Variants in ACTL8 observed in about 807,000 individuals in gnomAD.
ACTL8 encodes the protein actin-like protein 8.
A neutral mutation model predicts 9.3 loss-of-function variants in ACTL8; 3 were observed. That is an observed-to-expected ratio of 0.32 (90% confidence interval 0.15 to 0.83). The LOEUF is 0.83. Ranked by LOEUF, ACTL8 falls within the 40% of genes least tolerant of loss-of-function variation. The pLI, the probability that ACTL8 is intolerant of heterozygous loss-of-function variation, is 0.57. For synonymous variants in ACTL8, 224 were observed against 205.9 expected, an observed-to-expected ratio of 1.09 and a Z score of -0.75; for missense variants, 381 against 492.2, an observed-to-expected ratio of 0.77 and a Z score of 2.14.
In ACTL8 at chr1:17,826,025, A is replaced by G. The variant is rs778609112; in HGVS notation, c.607A>G (p.Thr203Ala). Residue 203 changes from threonine (T) to alanine (A), a missense_variant, in exon 3 of 3, where the codon ACA becomes GCA. Around this residue, in one of 3 missense-constraint regions of ACTL8, gnomAD observed 243 missense variants for 276.2 expected, o/e 0.88. Coordinates refer to ENST00000375406, the MANE Select transcript of ACTL8 (RefSeq NM_030812.3). This position sits in a 1 kb window ranked among gnomAD's most constrained non-coding sequence, Gnocchi z 4.5. ...TAGACGCTGCCTGTTTCAGCTGGAG[A>G]CAGTCGCCGTGACTCAGATGAACAA... ...CDRRCLFQLE[T>A]VAVTQMNKCY... 8.1e-6 allele frequency: 13 copies of G among 1,606,740 alleles called. No individual in the cohort carries two copies. Among genetic ancestry groups the G allele is most frequent in the Non-Finnish European group, 1.1e-5 (13 of 1,179,982 alleles).
intron 1 of ACTL8, among the ~76,000 whole-genome samples, chr1:17,805,213 G>T (rs2066350518): frequency 6.6e-6 from 1 of 151,964 alleles, no homozygotes; most frequent in South Asian, 2.1e-4. Context: ...ATGTCTGTGT[G>T]CTTCCTGCCC....
chr1:17,786,653 C>G (rs1008117286), intron 1 of ACTL8, among the ~76,000 whole-genome samples: 3 of 152,042 alleles, frequency 2.0e-5, no homozygotes, highest in African/African-American at 7.2e-5. Flanking sequence ...ATACATGGAC[C>G]TTCTTTACGT....
chr1:17,781,789 C>T (rs1400398765), intron 1 of ACTL8, among the ~76,000 whole-genome samples: 1 of 152,114 alleles, frequency 6.6e-6, no homozygotes, highest in South Asian at 2.1e-4. Flanking sequence ...GCATACATTT[C>T]CCCTGGAAAG....
At chr1:17,766,564 G>A (rs1440939557) in intron 1 of ACTL8, among the ~76,000 whole-genome samples, 1 of 152,182 alleles carries the variant, frequency 6.6e-6, no homozygotes, top group Admixed American at 6.5e-5. Context: ...CTGACAGCCT[G>A]TCAGGCACCG....
In ACTL8 at chr1:17,767,223, A is replaced by C. The variant is rs1173357195; in HGVS notation, c.-25+11719A>C. ...GACTGTGGAGGCCTGCTCTGGAAAC[A>C]GTGAGGAGGGCATCAGGAGGTGAGG... On this transcript the variant is annotated intron_variant, in intron 1 of 2. Transcript: ENST00000375406. The surrounding 1 kb of genome is among the most constrained non-coding windows in gnomAD (Gnocchi z 4.7). Among the ~76,000 whole-genome samples, 1 of 152,102 alleles carries C rather than the reference A, an allele frequency of 6.6e-6. No individual in the cohort carries two copies. The highest frequency in any genetic ancestry group is 1.5e-5 in the Non-Finnish European group (1 of 68,026).
At chr1:17,756,951 T>C (rs957944657) in intron 1 of ACTL8, among the ~76,000 whole-genome samples, 6 of 152,138 alleles carry the variant, frequency 3.9e-5, no homozygotes, top group African/African-American at 1.4e-4. Flanking sequence ...CCAGATACTA[T>C]GCTCTATTTA....
At chr1:17,809,112 C>T (rs1038826219) in intron 1 of ACTL8, among the ~76,000 whole-genome samples, 1 of 152,100 alleles carries the variant, frequency 6.6e-6, no homozygotes, top group Non-Finnish European at 1.5e-5. Context: ...TCAACACAAA[C>T]TGATTTAACA....
intron 1 of ACTL8, among the ~76,000 whole-genome samples, chr1:17,806,157 GAATGGTTTATTGAGT>G (rs936233816): frequency 6.6e-6 from 1 of 152,176 alleles, no homozygotes; most frequent in Non-Finnish European, 1.5e-5. Flanking sequence ...TTGCATGTTT[GAATGGTTTATTGAGT>G]AATTCTCACA....
chr1:17,800,609 T>C (rs931514977), intron 1 of ACTL8, among the ~76,000 whole-genome samples: 12 of 133,776 alleles, frequency 9.0e-5, no homozygotes, highest in Non-Finnish European at 1.6e-4. Flanking sequence ...TTTTTTTTTT[T>C]TGAGACAGAG....
At chr1:17,815,680 T>C (rs2066421537) in intron 1 of ACTL8, among the ~76,000 whole-genome samples, 1 of 152,232 alleles carries the variant, frequency 6.6e-6, no homozygotes, top group Admixed American at 6.5e-5. Context: ...TGTGCTGAGC[T>C]TCCTGGCTTT....
chr1:17,755,556 GTTTTTTT>G (rs1367553131), intron 1 of ACTL8, 52 bp downstream of exon 1: 1 of 130,126 alleles, frequency 7.7e-6, no homozygotes, highest in Non-Finnish European at 1.6e-5. Flanking sequence ...GCCCCTGACT[GTTTTTTT>G]TTTTTTTTTT....
chr1:17,756,179 G>A (rs1318302433), intron 1 of ACTL8, among the ~76,000 whole-genome samples: 2 of 152,004 alleles, frequency 1.3e-5, no homozygotes, highest in Admixed American at 1.3e-4. Context: ...CTCTTCTTTG[G>A]GGCTCTATCT....
At chr1:17,817,910 C>T (rs186936204) in intron 1 of ACTL8, among the ~76,000 whole-genome samples, 7 of 152,180 alleles carry the variant, frequency 4.6e-5, no homozygotes, top group Admixed American at 6.5e-5. Flanking sequence ...CCATGTTGGC[C>T]GGGCTGGTCT....
At chr1:17,764,579 C>CA (rs2066031136) in intron 1 of ACTL8, among the ~76,000 whole-genome samples, 1 of 152,026 alleles carries the variant, frequency 6.6e-6, no homozygotes, top group South Asian at 2.1e-4. Flanking sequence ...TCTGGGCACC[C>CA]CCCCACAGCA....
chr1:17,768,810 G>T (rs79733084), intron 1 of ACTL8, among the ~76,000 whole-genome samples: 1 of 152,286 alleles, frequency 6.6e-6, no homozygotes, highest in Non-Finnish European at 1.5e-5. Context: ...GCTAGGGAGT[G>T]GGGAGTGAGG....
At chr1:17,783,150 C>T (rs919865903) in intron 1 of ACTL8, among the ~76,000 whole-genome samples, 17 of 152,128 alleles carry the variant, frequency 1.1e-4, no homozygotes, top group Admixed American at 6.5e-5. Flanking sequence ...AACAATCATT[C>T]AGACTGGCTC....
At chr1:17,784,270 T>C (rs972110630) in intron 1 of ACTL8, among the ~76,000 whole-genome samples, 2 of 151,950 alleles carry the variant, frequency 1.3e-5, no homozygotes, top group Non-Finnish European at 2.9e-5. Context: ...AACAACCAGA[T>C]CTCATGAGAA....
intron 1 of ACTL8, among the ~76,000 whole-genome samples, chr1:17,820,163 C>G (rs1264785495): frequency 2.0e-5 from 3 of 152,164 alleles, no homozygotes; most frequent in African/African-American, 7.2e-5. Context: ...CTCTGGTCAT[C>G]CCCTCTCACC....
chr1:17,793,778 C>T (rs2066258210), intron 1 of ACTL8, among the ~76,000 whole-genome samples: 1 of 152,172 alleles, frequency 6.6e-6, no homozygotes, highest in Non-Finnish European at 1.5e-5. Context: ...ACAACCTCCA[C>T]CTCCCGGCCT....
Sources: allele counts gnomAD v4.1 joint callset (sites outside exome capture counted in the v4.1 genomes callset), GRCh38; gene constraint gnomAD v4.1.1; regional missense constraint gnomAD v4.1.1; non-coding constraint Gnocchi (gnomAD v3.1); transcripts MANE v1.5; gene names NCBI Gene and HGNC (gene_info 2026-07-23, HGNC 2026-07-21).